The following SYN3 variants were observed in gnomAD, a reference collection of about 807,000 sequenced individuals.
SYN3 encodes synapsin-3.
A neutral mutation model predicts 65.8 loss-of-function variants in SYN3; 35 were observed. The observed-to-expected ratio is 0.53, with a 90% CI of 0.41 to 0.70. The LOEUF (loss-of-function observed/expected upper bound fraction) is 0.70. Ranked by LOEUF, SYN3 falls within the 30% of genes least tolerant of loss-of-function variation. The probability of loss-of-function intolerance (pLI) is 0.00; values close to 1 mark genes in which losing one functional copy is unlikely to be tolerated. For synonymous variants in SYN3, 270 were observed against 292.9 expected (o/e 0.92, Z 0.80); for missense variants, 680 against 749.0 (o/e 0.91, Z 1.08).
At chr22:32,985,471 C>A (rs2052497600) in intron 2 of SYN3, among the ~76,000 whole-genome samples, 1 of 152,176 alleles carries the variant, frequency 6.6e-6, no homozygotes, top group Non-Finnish European at 1.5e-5. Flanking sequence ...GACAGCCAGA[C>A]CCTTCACATC....
intron 6 of SYN3, among the ~76,000 whole-genome samples, chr22:32,647,174 C>A (rs2059995455): frequency 6.6e-6 from 1 of 152,072 alleles, no homozygotes; most frequent in Non-Finnish European, 1.5e-5. Flanking sequence ...AAGACACCAC[C>A]CAGAATGCCC....
At chr22:32,917,064 G>A (rs897546483) in intron 4 of SYN3, among the ~76,000 whole-genome samples, 4 of 152,176 alleles carry the variant, frequency 2.6e-5, no homozygotes, top group Non-Finnish European at 5.9e-5. Flanking sequence ...AGCAGGGGTA[G>A]AGGGAACATT....
At chr22:32,984,984 G>A (rs1194517823) in intron 2 of SYN3, among the ~76,000 whole-genome samples, 6 of 152,136 alleles carry the variant, frequency 3.9e-5, no homozygotes, top group South Asian at 2.1e-4. Context: ...GGTGTGGTGA[G>A]AAAGTCACAT....
At chr22:32,627,428 C>T (rs1239792973) in intron 6 of SYN3, among the ~76,000 whole-genome samples, 1 of 152,152 alleles carries the variant, frequency 6.6e-6, no homozygotes. Flanking sequence ...CCTACACACC[C>T]TGACGCACAC....
chr22:32,836,631 C>T (rs1208835682), intron 6 of SYN3, among the ~76,000 whole-genome samples: 1 of 152,092 alleles, frequency 6.6e-6, no homozygotes, highest in Non-Finnish European at 1.5e-5. Context: ...TTTCTCGTAC[C>T]TGTTCCTACC....
At chr22:32,722,778 T>C (rs910425345) in intron 6 of SYN3, among the ~76,000 whole-genome samples, 2 of 152,234 alleles carry the variant, frequency 1.3e-5, no homozygotes, top group Non-Finnish European at 1.5e-5. Flanking sequence ...AAGGTGGCTT[T>C]GGAGCTGTCA....
At chr22:32,560,576 G>A (rs961651793) in intron 7 of SYN3, among the ~76,000 whole-genome samples, 1 of 152,180 alleles carries the variant, frequency 6.6e-6, no homozygotes, top group African/African-American at 2.4e-5. Context: ...ACATTGACGT[G>A]TGTGCTTGGA....
At position 32,749,269 on chromosome 22, in the gene SYN3, G is replaced by A. The variant is rs1010553275; in HGVS notation, c.711+115646C>T. On this transcript the variant is annotated intron_variant, in intron 6 of 13. Coordinates refer to ENST00000358763, the MANE Select transcript of SYN3 (RefSeq NM_003490.4). ...CATTAATCCCATTCATGAGGGCTCTGCCTTCATGACCTAATCACCTCCCAA... is the reference window on the plus strand; with the variant it reads ...CATTAATCCCATTCATGAGGGCTCTACCTTCATGACCTAATCACCTCCCAA... Among the ~76,000 whole-genome samples, 11 of 151,330 alleles carry A rather than the reference G, an allele frequency of 7.3e-5. 1 individual carries two copies. The highest frequency in any genetic ancestry group is 6.6e-4 in the Admixed American group (10 of 15,190).
At chr22:32,601,426 C>T (rs959196760) in intron 6 of SYN3, among the ~76,000 whole-genome samples, 12 of 151,978 alleles carry the variant, frequency 7.9e-5, no homozygotes, top group African/African-American at 2.7e-4. Flanking sequence ...TACAGGCGCC[C>T]GCCACCACGC....
chr22:32,676,716 T>TG (rs2060451303), intron 6 of SYN3, among the ~76,000 whole-genome samples: 1 of 150,706 alleles, frequency 6.6e-6, no homozygotes, highest in Admixed American at 6.6e-5. Context: ...TTTTGTTTTT[T>TG]TTTTTTTTAG....
At chr22:33,038,034 T>G (rs943976342) in intron 1 of SYN3, among the ~76,000 whole-genome samples, 1 of 148,338 alleles carries the variant, frequency 6.7e-6, no homozygotes, top group Non-Finnish European at 1.5e-5. Flanking sequence ...ATCGAGAAAA[T>G]GAAACCAGAA....
At position 32,757,279 on chromosome 22, in the gene SYN3, T is replaced by C. The variant is rs1194647117; in HGVS notation, c.711+107636A>G. Reference sequence around the variant, plus strand: ...GAGTTAAGATTGCCATCTGGACACTTTGGGCTCCTCCTACCTTTTTTTTTT... The same window carrying C: ...GAGTTAAGATTGCCATCTGGACACTCTGGGCTCCTCCTACCTTTTTTTTTT... On this transcript the variant is annotated intron_variant, in intron 6 of 13. Transcript: ENST00000358763. Among the ~76,000 whole-genome samples, 3 of 149,088 alleles carry C rather than the reference T, an allele frequency of 2.0e-5. No individual in the cohort carries two copies. The South Asian group carries it at 6.3e-4, about 31-fold the overall frequency.
intron 6 of SYN3, among the ~76,000 whole-genome samples, chr22:32,732,366 G>T (rs1426895612): frequency 2.0e-5 from 3 of 152,200 alleles, no homozygotes; most frequent in African/African-American, 7.2e-5. Context: ...TCCAAACGAA[G>T]AAGCAGAGTA....
Position 32,920,157 on chromosome 22 carries a change from G to A in SYN3, c.461+11233C>T, listed in dbSNP as rs141379594. On this transcript the variant is annotated intron_variant, in intron 4 of 13. Coordinates refer to ENST00000358763, the MANE Select transcript of SYN3 (RefSeq NM_003490.4). ...GCGGATGCACATTATCAGCCGCTGC[G>A]GTTTGAACGGGTGCCTATAATTTAG... 9.6e-3 allele frequency among the ~76,000 whole-genome samples: 1,456 copies of A among 152,284 alleles called. 46 individuals carry two copies. The South Asian group carries it at 0.11, about 12-fold the overall frequency.
At chr22:32,630,961 C>T (rs1297120472) in intron 6 of SYN3, among the ~76,000 whole-genome samples, 1 of 152,184 alleles carries the variant, frequency 6.6e-6, no homozygotes, top group Non-Finnish European at 1.5e-5. Context: ...ACTCGGATTC[C>T]AACCCTAATG....
intron 4 of SYN3, among the ~76,000 whole-genome samples, chr22:32,880,866 G>A (rs890145143): frequency 6.6e-6 from 1 of 152,220 alleles, no homozygotes; most frequent in Non-Finnish European, 1.5e-5. Flanking sequence ...TGAAATGCCT[G>A]TTTCCCCAGC....
chr22:32,838,875 A>G (rs1245070825), intron 6 of SYN3, among the ~76,000 whole-genome samples: 1 of 151,876 alleles, frequency 6.6e-6, no homozygotes, highest in East Asian at 2.0e-4. Flanking sequence ...GGAGTCCCAG[A>G]TGCAGTCCCT....
chr22:32,631,736 G>T (rs1488558047), intron 6 of SYN3, among the ~76,000 whole-genome samples: 8 of 152,158 alleles, frequency 5.3e-5, no homozygotes. Context: ...TATGAGGTAG[G>T]TACTGTTAAG....
At chr22:32,772,576 A>T (rs5994625) in intron 6 of SYN3, among the ~76,000 whole-genome samples, 4 of 152,064 alleles carry the variant, frequency 2.6e-5, no homozygotes, top group Non-Finnish European at 5.9e-5. Flanking sequence ...TTGGAAAAAG[A>T]GCCTTTACAG....
Sources: allele counts gnomAD v4.1 joint callset (sites outside exome capture counted in the v4.1 genomes callset), GRCh38; gene constraint gnomAD v4.1.1; transcripts MANE v1.5; gene names NCBI Gene and HGNC (gene_info 2026-07-23, HGNC 2026-07-21).